Variants in C11orf16 observed in about 807,000 individuals in gnomAD.
The protein encoded by C11orf16 is chromosome 11 open reading frame 16.
A neutral mutation model predicts 45.1 loss-of-function variants in C11orf16; 38 were observed. The ratio of observed to expected loss-of-function variants is 0.84; its 90% CI spans 0.65 to 1.10. The LOEUF (loss-of-function observed/expected upper bound fraction) is 1.10, where lower values mean the gene tolerates loss of function less well. Ranked by LOEUF, C11orf16 falls within the 50% of genes least tolerant of loss-of-function variation. C11orf16 has a pLI of 0.00. For missense variants in C11orf16, 583 were observed against 569.5 expected, an observed-to-expected ratio of 1.02 and a Z score of -0.24; for synonymous variants, 221 against 222.0, an observed-to-expected ratio of 1.00 and a Z score of 0.04.
chr11:8,924,246 G>A (rs2064593520), intron 5 of C11orf16, among the ~76,000 whole-genome samples: 2 of 152,070 alleles, frequency 1.3e-5, no homozygotes, highest in Non-Finnish European at 2.9e-5. Flanking sequence ...CTTCATTGGT[G>A]CCAGCTTGGT....
Position 8,931,867 on chromosome 11 carries a change from G to A in C11orf16, c.167+275C>T, listed in dbSNP as rs1217306429. Among the ~76,000 whole-genome samples, 4 of 152,160 alleles carry A rather than the reference G, an allele frequency of 2.6e-5. No individual in the cohort carries two copies. In the East Asian group the frequency reaches 7.7e-4, roughly 29 times the overall value. ...TGATGGTAAAATGAGCTATAAACTTGGTAACTGGCTATCCCTAACTGCCTT... is the reference window on the plus strand; with the variant it reads ...TGATGGTAAAATGAGCTATAAACTTAGTAACTGGCTATCCCTAACTGCCTT... On this transcript the variant is annotated intron_variant, in intron 2 of 6. Coordinates refer to ENST00000326053, the MANE Select transcript of C11orf16 (RefSeq NM_020643.3).
intron 5 of C11orf16, among the ~76,000 whole-genome samples, chr11:8,923,520 G>A (rs962967007): frequency 2.6e-5 from 4 of 152,062 alleles, no homozygotes; most frequent in African/African-American, 9.7e-5. Flanking sequence ...CTCTACAAGT[G>A]ATAATATAAA....
chr11:8,930,005 A>G (rs1163420007), intron 2 of C11orf16, among the ~76,000 whole-genome samples: 1 of 152,146 alleles, frequency 6.6e-6, no homozygotes, highest in Non-Finnish European at 1.5e-5. Context: ...CTGTGATCCC[A>G]GCTACTTGGG....
chr11:8,921,562 A>G, intron 5 of C11orf16, 47 bp from the exon 6 acceptor site: 1 of 1,506,802 alleles, frequency 6.6e-7, no homozygotes, highest in Non-Finnish European at 9.2e-7. Flanking sequence ...CACCATTTTG[A>G]TGGCATAAGT....
chr11:8,928,270 C>T (rs968626652), intron 3 of C11orf16, among the ~76,000 whole-genome samples: 1 of 152,086 alleles, frequency 6.6e-6, no homozygotes, highest in African/African-American at 2.4e-5. Flanking sequence ...CACTAGTCTT[C>T]CCTTCATGAA....
At chr11:8,920,506 C>A in intron 6 of C11orf16, 56 bp from the exon 7 acceptor site, 1 of 634,108 alleles carries the variant, frequency 1.6e-6, no homozygotes, top group Non-Finnish European at 2.8e-6. Context: ...TTTTAAGAAT[C>A]AAAAGTCACT....
Position 8,930,702 on chromosome 11 carries a change from G to A in C11orf16, c.168-1169C>T, listed in dbSNP as rs944307611. On this transcript the variant is annotated intron_variant, in intron 2 of 6. Coordinates refer to ENST00000326053, the MANE Select transcript of C11orf16 (RefSeq NM_020643.3). ...GGGGAGTTGTTGAGTCAGGGTTTGG[G>A]TTTTTGAAGAAGCCATTTTACTTTG... Among the ~76,000 whole-genome samples the A allele has an allele frequency of 3.9e-5, 6 of 152,222 alleles. No homozygotes were observed. In the South Asian group the frequency reaches 6.2e-4, roughly 16 times the overall value.
intron 5 of C11orf16, among the ~76,000 whole-genome samples, chr11:8,924,751 G>A (rs570509644): frequency 6.6e-6 from 1 of 152,128 alleles, no homozygotes; most frequent in South Asian, 2.1e-4. Flanking sequence ...CCAGAATCTT[G>A]TCAAGGGCCA....
chr11:8,920,298 C>A lies in C11orf16; in HGVS notation c.*175G>T. 2.0e-6 allele frequency: 1 copy of A among 500,566 alleles called. No individual in the cohort carries two copies. Among genetic ancestry groups the A allele is most frequent in the Non-Finnish European group, 3.5e-6 (1 of 284,928 alleles). The allele number at this position is 500,566 out of a possible 1,614,324, so 31.0% of individuals were successfully genotyped here. ...AGCCCTCACAACAGGTGCCTTCCTG[C>A]TGCTTATCTGCAGGGAGGTCTTCGT... On this transcript the variant is annotated 3_prime_UTR_variant, in exon 7 of 7. Transcript: ENST00000326053.
At chr11:8,920,754 G>A (rs1404123178) in intron 6 of C11orf16, among the ~76,000 whole-genome samples, 1 of 152,190 alleles carries the variant, frequency 6.6e-6, no homozygotes, top group South Asian at 2.1e-4. Flanking sequence ...CTTGAGCCCA[G>A]GAGTTCAAGG....
Position 8,925,448 on chromosome 11 carries a change from ACTCCCCTGGTATACCTGG to A in C11orf16, c.1201_1204+14del, listed in dbSNP as rs2134833422. 6.2e-7 allele frequency: 1 copy of A among 1,603,328 alleles called. No individual in the cohort carries two copies. Among genetic ancestry groups the A allele is most frequent in the East Asian group, 2.2e-5 (1 of 44,656 alleles). ...AGCCCCTGCCTTAGAAAGCAAGCCC[ACTCCCCTGGTATACCTGG>A]CTTCCCAAGGCATGGCTCAGGCCCG... On this transcript the variant is annotated splice_donor_variant and splice_donor_5th_base_variant and coding_sequence_variant and intron_variant, in exon 5 of 7. Coordinates refer to ENST00000326053, the MANE Select transcript of C11orf16 (RefSeq NM_020643.3). LOFTEE classifies it high-confidence loss of function.
chr11:8,929,704 C>T (rs1391195362), intron 2 of C11orf16, among the ~76,000 whole-genome samples, 171 bp from the exon 3 acceptor site: 3 of 152,284 alleles, frequency 2.0e-5, no homozygotes, highest in Non-Finnish European at 2.9e-5. Flanking sequence ...GGTAAACCTC[C>T]GGGAGGGGCA....
At chr11:8,920,767 G>T (rs1362951305) in intron 6 of C11orf16, among the ~76,000 whole-genome samples, 1 of 152,162 alleles carries the variant, frequency 6.6e-6, no homozygotes, top group Non-Finnish European at 1.5e-5. Context: ...GTTCAAGGCT[G>T]TAGTGAGCCA....
At chr11:8,922,647 T>C (rs1055259084) in intron 5 of C11orf16, among the ~76,000 whole-genome samples, 8 of 152,160 alleles carry the variant, frequency 5.3e-5, no homozygotes, top group Admixed American at 5.2e-4. Flanking sequence ...GCAAGAGCTT[T>C]TGTGAGAGGC....
chr11:8,932,444 G>A (rs777557953), intron 1 of C11orf16, 118 bp from the exon 2 acceptor site: 50 of 723,784 alleles, frequency 6.9e-5, no homozygotes, highest in Non-Finnish European at 1.0e-4. Context: ...GTCCATGCAC[G>A]GCCCTACCTG....
At position 8,930,319 on chromosome 11, in the gene C11orf16, A is replaced by C. The variant is rs183776086; in HGVS notation, c.168-786T>G. The stretch of plus-strand genomic sequence containing the variant: ...TGGGTGCCTGTAGTCTCAGCTACTC[A>C]GGAGGCTGAGGCAGAAGAATCGCTT... On this transcript the variant is annotated intron_variant, in intron 2 of 6. Coordinates refer to ENST00000326053, the MANE Select transcript of C11orf16 (RefSeq NM_020643.3). Among the ~76,000 whole-genome samples the C allele has an allele frequency of 7.2e-3, 1,086 of 150,924 alleles. 6 individuals are homozygous for C. The highest frequency in any genetic ancestry group is 0.012 in the Non-Finnish European group (834 of 67,784).
In C11orf16 at chr11:8,925,907, T is replaced by C. The variant is rs1274571569; in HGVS notation, c.760A>G (p.Thr254Ala). ...GGAGCATCCGGAGGAAGCTCATTAG[T>C]GATGCGCCCAGTGATTGGCCCTAGC... ...SLLGPITGRI[T>A]NELPPDAPFL... is the part of the protein sequence containing the mutation. Residue 254 changes from threonine (T) to alanine (A), a missense_variant, in exon 5 of 7, where the codon ACT (threonine) becomes GCT (alanine). By Grantham distance (58) the Thr-to-Ala change is moderately conservative. Transcript: ENST00000326053. 1.2e-6 allele frequency: 2 copies of C among 1,614,056 alleles called. No homozygotes were observed. Among genetic ancestry groups the C allele is most frequent in the African/African-American group, 2.7e-5 (2 of 74,942 alleles).
chr11:8,931,968 T>C (rs961769456), intron 2 of C11orf16, among the ~76,000 whole-genome samples, 174 bp downstream of exon 2: 4 of 152,166 alleles, frequency 2.6e-5, no homozygotes, highest in African/African-American at 7.2e-5. Context: ...GGGAGCACAA[T>C]GTAGGCTGGA....
chr11:8,921,087 C>T (rs1365386649), intron 6 of C11orf16, among the ~76,000 whole-genome samples: 2 of 152,116 alleles, frequency 1.3e-5, no homozygotes, highest in Non-Finnish European at 2.9e-5. Context: ...GTCATTTAAA[C>T]GGGGATCCTT....
Sources: allele counts gnomAD v4.1 joint callset (sites outside exome capture counted in the v4.1 genomes callset), GRCh38; gene constraint gnomAD v4.1.1; transcripts MANE v1.5; gene names NCBI Gene and HGNC (gene_info 2026-07-23, HGNC 2026-07-21).